USP35: variants seen among roughly 807,000 people sequenced by gnomAD.
The protein encoded by USP35 is ubiquitin specific peptidase 35, also known as ubiquitin carboxyl-terminal hydrolase 35.
In USP35, 69 loss-of-function variants were observed where a neutral mutation model predicts 83.8. That is an observed-to-expected ratio of 0.82 (90% CI 0.68 to 1.01). The LOEUF (loss-of-function observed/expected upper bound fraction) is 1.01, where lower values mean the gene tolerates loss of function less well. USP35 is among the 50% of genes least tolerant of loss of function. USP35 has a pLI of 0.00. For missense variants in USP35, 1,503 were observed against 1,362.5 expected, an observed-to-expected ratio of 1.10 and a Z score of -1.62; for synonymous variants, 714 against 589.5, an observed-to-expected ratio of 1.21 and a Z score of -3.06.
chr11:78,215,706 C>T (rs1198282307), downstream of USP35: 1 of 152,372 alleles, frequency 6.6e-6, no homozygotes, highest in Admixed American at 6.5e-5. Context: ...CTTGGGGACC[C>T]CCTCGGCAGG....
At chr11:78,222,063 T>C in the USP35 span, 6 of 1,303,768 alleles carry the variant, frequency 4.6e-6, no homozygotes, top group South Asian at 5.9e-5. Flanking sequence ...TTTTCCCTAA[T>C]GGCCCGACTC....
Position 78,210,151 on chromosome 11 carries a change from A to G in USP35, c.2296A>G (p.Asn766Asp). The G allele has an allele frequency of 6.2e-7, 1 of 1,613,594 alleles. No individual in the cohort carries two copies. The highest frequency in any genetic ancestry group is 8.5e-7 in the Non-Finnish European group (1 of 1,179,796). Reference sequence around the variant, plus strand: ...CTCCCGCTCCGTCCTGGACCTGGTTAACTACTTCCTGTCCCCCGAGAAGCT... The same window carrying G: ...CTCCCGCTCCGTCCTGGACCTGGTTGACTACTTCCTGTCCCCCGAGAAGCT... ...EGSRSVLDLVNYFLSPEKLTA... is the reference protein window; with the variant it reads ...EGSRSVLDLVDYFLSPEKLTA... The change falls in exon 10 of 11, where the codon AAC (asparagine) becomes GAC (aspartate). Residue 766 changes from asparagine (N) to aspartate (D), a missense_variant. Asn to Asp is a conservative substitution (Grantham distance 23). Coordinates refer to ENST00000529308, the MANE Select transcript of USP35 (RefSeq NM_020798.4).
At chr11:78,222,158 G>A in the USP35 span, 2 of 1,613,940 alleles carry the variant, frequency 1.2e-6, no homozygotes, top group Non-Finnish European at 1.7e-6. Flanking sequence ...GTTCATCGAT[G>A]ACGGTGTTGT....
intron 6 of USP35, 40 bp from the exon 7 acceptor site, chr11:78,205,802 G>A (rs776731294): frequency 1.0e-5 from 16 of 1,577,054 alleles, no homozygotes; most frequent in Non-Finnish European, 1.4e-5. Context: ...AGCTGACCCT[G>A]GTGCCCACCA....
Position 78,210,112 on chromosome 11 carries a change from T to C in USP35, c.2257T>C (p.Cys753Arg), listed in dbSNP as rs368133985. The change falls in exon 10 of 11, where the codon TGT (cysteine) becomes CGT (arginine). Residue 753 changes from cysteine to arginine, a missense_variant. Coordinates refer to ENST00000529308, the MANE Select transcript of USP35 (RefSeq NM_020798.4). ...DAAIPSGERT[C>R]GSEGSRSVLD... ...TGCCATCCCCTCCGGGGAGCGGACA[T>C]GTGGCTCTGAGGGCTCCCGCTCCGT... The C allele has an allele frequency of 8.4e-5, 135 of 1,613,660 alleles. No individual in the cohort carries two copies. Among genetic ancestry groups the C allele is most frequent in the Non-Finnish European group, 1.3e-5 (15 of 1,179,904 alleles).
rs757306271 is a variant in USP35 at position 78,210,795 on chromosome 11, A to G, written c.2889+51A>G. ...TCTGATCTCTTGGTGGAGGGAGTCCAGTCCCACTACTGGCTTAGATAAGTC... is the reference window on the plus strand; with the variant it reads ...TCTGATCTCTTGGTGGAGGGAGTCCGGTCCCACTACTGGCTTAGATAAGTC... On this transcript the variant is annotated intron_variant, in intron 10 of 10. Coordinates refer to ENST00000529308, the MANE Select transcript of USP35 (RefSeq NM_020798.4). 8.1e-6 allele frequency: 12 copies of G among 1,486,832 alleles called. No individual in the cohort carries two copies. In the African/African-American group the frequency reaches 1.4e-4, roughly 17 times the overall value. The allele number at this position is 1,486,832 out of a possible 1,614,324, so 92.1% of individuals were successfully genotyped here.
chr11:78,230,143 T>G, the USP35 span, among the ~76,000 whole-genome samples: 1 of 152,242 alleles, frequency 6.6e-6, no homozygotes, highest in African/African-American at 2.4e-5. Flanking sequence ...ACGTTTGTTG[T>G]AAGTAAGCAA....
chr11:78,220,369 C>A, the USP35 span: 1 of 1,613,064 alleles, frequency 6.2e-7, no homozygotes, highest in Non-Finnish European at 8.5e-7. Flanking sequence ...GCCAGATAAT[C>A]AACGCTGCCG....
intron 10 of USP35, among the ~76,000 whole-genome samples, 190 bp from the exon 11 acceptor site, chr11:78,213,454 TGA>T (rs1863885725): frequency 6.6e-6 from 1 of 150,564 alleles, no homozygotes; most frequent in African/African-American, 2.5e-5. Flanking sequence ...GAGTTTTTAT[TGA>T]GAGGAGGGGG....
At chr11:78,199,792 G>A (rs1370831048) in intron 4 of USP35, 68 bp downstream of exon 4, 4 of 1,608,292 alleles carry the variant, frequency 2.5e-6, no homozygotes, top group Non-Finnish European at 1.7e-6. Flanking sequence ...GGCGGTGCAG[G>A]TCTGGGAGGT....
At chr11:78,233,947 G>A in the USP35 span, among the ~76,000 whole-genome samples, 1 of 152,102 alleles carries the variant, frequency 6.6e-6, no homozygotes, top group Non-Finnish European at 1.5e-5. Context: ...TGAAGAACTA[G>A]TTTTAATTTT....
In USP35 at chr11:78,196,103, A is replaced by T. The variant is rs189206984; in HGVS notation, c.-10-133A>T. The T allele has an allele frequency of 6.5e-6, 9 of 1,382,438 alleles. No individual in the cohort carries two copies. The highest frequency in any genetic ancestry group is 7.5e-6 in the Non-Finnish European group (8 of 1,066,330). The allele number at this position is 1,382,438 out of a possible 1,614,324, so 85.6% of individuals were successfully genotyped here. On this transcript the variant is annotated intron_variant, in intron 1 of 10. Coordinates refer to ENST00000529308, the MANE Select transcript of USP35 (RefSeq NM_020798.4). This position sits in a 1 kb window ranked among gnomAD's most constrained non-coding sequence, Gnocchi z 4.8. Reference sequence around the variant, plus strand: ...CTCAGTGAAATGACGCCCTTGCCCCATTTCACAGATGAGAAAACTGAGGCC... The same window carrying T: ...CTCAGTGAAATGACGCCCTTGCCCCTTTTCACAGATGAGAAAACTGAGGCC...
intron 7 of USP35, 46 bp downstream of exon 7, chr11:78,206,081 C>T (rs772872488): frequency 1.3e-6 from 2 of 1,580,066 alleles, no homozygotes; most frequent in Non-Finnish European, 8.6e-7. Flanking sequence ...CTTCTCTCCT[C>T]TGGGCTCCCT....
chr11:78,220,294 G>GCCC, the USP35 span: 3 of 1,610,228 alleles, frequency 1.9e-6, no homozygotes, highest in African/African-American at 4.0e-5. Context: ...AGCTCTTACT[G>GCCC]CCCCCCCAAC....
rs1365984373 is a variant in USP35 at position 78,210,340 on chromosome 11, A to T, written c.2485A>T (p.Ile829Phe). Reference protein sequence around the residue: ...RRRKILDDVSIPLLLRLPLAG... With the variant: ...RRRKILDDVSFPLLLRLPLAG... ...CCGCAAGATCCTGGATGACGTCTCC[A>T]TCCCCCTGCTGCTCCGCCTGCCACT... The change falls in exon 10 of 11, where the codon ATC becomes TTC. Residue 829 changes from isoleucine to phenylalanine, a missense_variant. Coordinates refer to ENST00000529308, the MANE Select transcript of USP35 (RefSeq NM_020798.4). 1.9e-6 allele frequency: 3 copies of T among 1,612,656 alleles called. No homozygotes were observed. The highest frequency in any genetic ancestry group is 8.5e-7 in the Non-Finnish European group (1 of 1,179,822).
At chr11:78,215,372 T>G (rs1864068703), downstream of USP35, 1 of 152,614 alleles carries the variant, frequency 6.6e-6, no homozygotes, top group Non-Finnish European at 1.5e-5. Flanking sequence ...TCCAAGCCTG[T>G]ACCATGTGTC....
In USP35 at chr11:78,209,807, A is replaced by G. The variant is rs1290229551; in HGVS notation, c.1952A>G (p.Asp651Gly). 1 of 1,613,628 alleles carries G rather than the reference A, an allele frequency of 6.2e-7. No homozygotes were observed. Among genetic ancestry groups the G allele is most frequent in the Middle Eastern group, 1.6e-4 (1 of 6,062 alleles). ...CAAAGGAAACACTGCATCACAGAGGACACCCCCCCCACCAGCCTGTACATC... is the reference window on the plus strand; with the variant it reads ...CAAAGGAAACACTGCATCACAGAGGGCACCCCCCCCACCAGCCTGTACATC... ...RRQRKHCITE[D>G]TPPTSLYIEG... is the part of the protein sequence containing the mutation. The change falls in exon 10 of 11, where the codon GAC becomes GGC. Residue 651 changes from aspartate to glycine, a missense_variant. Asp to Gly is a moderately conservative substitution (Grantham distance 94, BLOSUM62 -1). Transcript: ENST00000529308.
chr11:78,219,159 A>C, downstream of USP35: 1 of 1,016,922 alleles, frequency 9.8e-7, no homozygotes, highest in Non-Finnish European at 1.5e-6. Flanking sequence ...GAAGGCTGAG[A>C]CTGGCAGAGT....
chr11:78,198,112 C>T (rs770912173), intron 3 of USP35, 44 bp downstream of exon 3: 12 of 1,610,412 alleles, frequency 7.5e-6, no homozygotes, highest in Middle Eastern at 1.7e-4. Context: ...GGGGCCCCTC[C>T]CTCTCTTCCT....
Sources: gnomAD v4.1 joint callset for allele counts (sites outside exome capture counted in the v4.1 genomes callset) on GRCh38, gnomAD v4.1.1 for gene constraint, Gnocchi (gnomAD v3.1) non-coding constraint, MANE v1.5 for transcripts, NCBI Gene and HGNC (gene_info 2026-07-23, HGNC 2026-07-21) for gene names.